TXNRD1: variants seen among roughly 807,000 people sequenced by gnomAD.
TXNRD1 encodes the protein thioredoxin reductase 1, also known as thioredoxin reductase 1, cytoplasmic.
TXNRD1 carries 57 observed loss-of-function variants against 80.3 expected under a neutral mutation model. That is an observed-to-expected ratio of 0.71 (90% confidence interval 0.57 to 0.89). The LOEUF is 0.89. Among genes scored for constraint, TXNRD1 ranks in the 40% least tolerant of loss-of-function variants. TXNRD1 has a pLI of 0.00. For synonymous variants in TXNRD1, 291 were observed against 285.2 expected (o/e 1.02, Z -0.20); for missense variants, 730 against 803.0 (o/e 0.91, Z 1.10).
rs140765361 is a variant in TXNRD1 at position 104,322,788 on chromosome 12, C to T, written c.1215+1472C>T. 5.4e-3 allele frequency among the ~76,000 whole-genome samples: 824 copies of T among 151,822 alleles called. 21 individuals carry two copies. In the South Asian group the frequency reaches 0.076, roughly 14 times the overall value. ...TGTACTGATAGAAAGTAACATCTTC[C>T]TATATACAATTTTTTTTTTTTAATT... On this transcript the variant is annotated intron_variant, in intron 10 of 16. Transcript: ENST00000525566.
At chr12:104,334,591 T>C (rs2135872007) in intron 15 of TXNRD1, among the ~76,000 whole-genome samples, 1 of 152,240 alleles carries the variant, frequency 6.6e-6, no homozygotes, top group East Asian at 1.9e-4. Flanking sequence ...AGGCTGGTCT[T>C]GAACACCTGA....
At chr12:104,309,055 G>A (rs1004909966) in intron 4 of TXNRD1, among the ~76,000 whole-genome samples, 2 of 151,806 alleles carry the variant, frequency 1.3e-5, no homozygotes, top group East Asian at 1.9e-4. Context: ...ACGCCTCCAC[G>A]CCCGGCTAAT....
At chr12:104,336,135 A>C (rs902627687) in intron 15 of TXNRD1, among the ~76,000 whole-genome samples, 2 of 152,230 alleles carry the variant, frequency 1.3e-5, no homozygotes, top group Non-Finnish European at 2.9e-5. Context: ...CCCCTGTCTC[A>C]CTGAGAGAGA....
chr12:104,334,155 C>G (rs143101179), intron 14 of TXNRD1, 82 bp from the exon 15 acceptor site: 2 of 531,548 alleles, frequency 3.8e-6, no homozygotes, highest in African/African-American at 2.0e-5. Flanking sequence ...ATTAAAGAGT[C>G]TCTACTGTCT....
At chr12:104,216,228 C>G (rs1009555465) in intron 1 of TXNRD1, among the ~76,000 whole-genome samples, 1 of 152,248 alleles carries the variant, frequency 6.6e-6, no homozygotes, top group Non-Finnish European at 1.5e-5. Flanking sequence ...GCTCAGGGCC[C>G]GTTAGGGCGT....
chr12:104,334,329 C>A lies in TXNRD1; in HGVS notation c.1743C>A (p.Asp581Glu). ...CAAAAATAATCTGTAATACTAAAGA[C>A]AATGTAAGTTTAATTCTCAATCCTT... ...CYAKIICNTK[D>E]NERVVGFHVL... The change falls in exon 15 of 17, where the codon GAC becomes GAA. Residue 581 changes from aspartate (D) to glutamate (E), a missense_variant. By Grantham distance (45) the Asp-to-Glu change is conservative. Transcript: ENST00000525566. 1 of 1,445,584 alleles carries A rather than the reference C, an allele frequency of 6.9e-7. No homozygotes were observed. Among genetic ancestry groups the A allele is most frequent in the Non-Finnish European group, 9.3e-7 (1 of 1,081,074 alleles). The allele number at this position is 1,445,584 out of a possible 1,614,324, so 89.5% of individuals were successfully genotyped here. A position where few individuals can be genotyped will look rare whatever the true frequency, so the allele number is the denominator to read the frequency against.
intron 1 of TXNRD1, among the ~76,000 whole-genome samples, chr12:104,246,226 G>A (rs2032990582): frequency 6.8e-6 from 1 of 147,860 alleles, no homozygotes; most frequent in Non-Finnish European, 1.5e-5. Flanking sequence ...AGGAGATCGA[G>A]ACCATCTTGG....
At chr12:104,319,383 A>G (rs1278361631) in intron 8 of TXNRD1, 87 bp from the exon 9 acceptor site, 1 of 825,566 alleles carries the variant, frequency 1.2e-6, no homozygotes, top group Non-Finnish European at 2.0e-6. Flanking sequence ...AAATGAGACA[A>G]TGTAGTGAAT....
At chr12:104,216,211 T>G (rs1398229014) in intron 1 of TXNRD1, among the ~76,000 whole-genome samples, 1 of 152,198 alleles carries the variant, frequency 6.6e-6, no homozygotes, top group Admixed American at 6.5e-5. Flanking sequence ...GCGACCCGCC[T>G]GATTTCGCTC....
At position 104,303,997 on chromosome 12, in the gene TXNRD1, C is replaced by T. The variant is rs116688710; in HGVS notation, c.415-7293C>T. On this transcript the variant is annotated intron_variant, in intron 4 of 16. Coordinates refer to ENST00000525566, the MANE Select transcript of TXNRD1 (RefSeq NM_001093771.3). ...CCGACGACCTCAGCTCTGGGGAGGC[C>T]GACGTAGACCCAAAGCTCCTGGAGC... 5,670 of 1,609,636 alleles carry T rather than the reference C, an allele frequency of 3.5e-3. 176 individuals carry two copies. In the African/African-American group the frequency reaches 0.065, roughly 18 times the overall value.
chr12:104,288,937 G>C lies in TXNRD1; in HGVS notation c.311G>C (p.Gly104Ala). The C allele has an allele frequency of 1.9e-6, 3 of 1,614,052 alleles. No homozygotes were observed. Among genetic ancestry groups the C allele is most frequent in the Non-Finnish European group, 2.5e-6 (3 of 1,179,882 alleles). ...CTGCTTTTGTGCCACACAGAGGACGGTCGGGCCCTGGAAGGAACGCTCTCG... is the reference window on the plus strand; with the variant it reads ...CTGCTTTTGTGCCACACAGAGGACGCTCGGGCCCTGGAAGGAACGCTCTCG... ...FVLELDQTED[G>A]RALEGTLSEL... is the part of the protein sequence containing the mutation. The change falls in exon 4 of 17, where the codon GGT becomes GCT. Residue 104 changes from glycine to alanine, a missense_variant. By Grantham distance (60) the Gly-to-Ala change is moderately conservative. Coordinates refer to ENST00000525566, the MANE Select transcript of TXNRD1 (RefSeq NM_001093771.3).
chr12:104,220,496 G>C (rs568204156), intron 1 of TXNRD1, among the ~76,000 whole-genome samples: 62 of 152,208 alleles, frequency 4.1e-4, no homozygotes, highest in African/African-American at 1.5e-3. Context: ...GGCCAAGGCG[G>C]GTGGATCATC....
At position 104,339,206 on chromosome 12, in the gene TXNRD1, C is replaced by T. The variant is rs756135502; in HGVS notation, c.1814C>T (p.Ala605Val). The T allele has an allele frequency of 5.6e-6, 9 of 1,613,800 alleles. No homozygotes were observed. Among genetic ancestry groups the T allele is most frequent in the South Asian group, 2.2e-5 (2 of 91,078 alleles). Residue 605 changes from alanine (A) to valine (V), a missense_variant, in exon 16 of 17, where the codon GCG becomes GTG. Coordinates refer to ENST00000525566, the MANE Select transcript of TXNRD1 (RefSeq NM_001093771.3). ...GAAGTTACACAAGGCTTTGCAGCTGCGCTCAAATGTGGACTGACCAAAAAG... is the reference window on the plus strand; with the variant it reads ...GAAGTTACACAAGGCTTTGCAGCTGTGCTCAAATGTGGACTGACCAAAAAG... ...AGEVTQGFAA[A>V]LKCGLTKKQL...
chr12:104,349,263 A>G lies in TXNRD1; in HGVS notation c.*842A>G, dbSNP rs1255628386. 6.6e-6 allele frequency: 1 copy of G among 152,228 alleles called. No individual in the cohort carries two copies. The highest frequency in any genetic ancestry group is 1.5e-5 in the Non-Finnish European group (1 of 68,030). 9.4% of individuals were successfully genotyped at this position (152,228 alleles called of 1,614,324 possible). ...TCTTTAGTTTATTGTGTGCTGGTCT[A>G]AGCAAGCTGAGATCATTTGCAATGG... On this transcript the variant is annotated 3_prime_UTR_variant, in exon 17 of 17. Coordinates refer to ENST00000525566, the MANE Select transcript of TXNRD1 (RefSeq NM_001093771.3).
chr12:104,226,510 G>A (rs1317236626), intron 1 of TXNRD1, among the ~76,000 whole-genome samples: 1 of 152,156 alleles, frequency 6.6e-6, no homozygotes, highest in Non-Finnish European at 1.5e-5. Flanking sequence ...GAGATCTCCT[G>A]TTATATTTCA....
At chr12:104,326,225 A>C in intron 11 of TXNRD1, 122 bp from the exon 12 acceptor site, 1 of 684,764 alleles carries the variant, frequency 1.5e-6, no homozygotes, top group Non-Finnish European at 2.4e-6. Context: ...TCTTACTGAA[A>C]TATTTATTTC....
intron 2 of TXNRD1, among the ~76,000 whole-genome samples, chr12:104,254,020 G>C (rs576296086): frequency 1.3e-5 from 2 of 152,098 alleles, no homozygotes; most frequent in Admixed American, 6.6e-5. Flanking sequence ...CTGAAATTAC[G>C]TGCTTGTCTA....
At position 104,345,257 on chromosome 12, in the gene TXNRD1, T is replaced by C. The variant is rs114133886; in HGVS notation, c.1882-3096T>C. Among the ~76,000 whole-genome samples the C allele has an allele frequency of 3.3e-3, 502 of 152,284 alleles. 5 individuals carry two copies. Among genetic ancestry groups the C allele is most frequent in the African/African-American group, 0.012 (495 of 41,548 alleles). ...GTTAGTCCAGTGGATGAATTAGAAA[T>C]AATAATAATTTTTAAACCAGTCCTG... On this transcript the variant is annotated intron_variant, in intron 16 of 16. Coordinates refer to ENST00000525566, the MANE Select transcript of TXNRD1 (RefSeq NM_001093771.3).
intron 4 of TXNRD1, among the ~76,000 whole-genome samples, chr12:104,296,182 AGATACAT>A: frequency 6.6e-6 from 1 of 152,162 alleles, no homozygotes; most frequent in East Asian, 1.9e-4. Context: ...ATTGCTATTG[AGATACAT>A]GCTTGTGTCC....
Sources: allele counts gnomAD v4.1 joint callset (sites outside exome capture counted in the v4.1 genomes callset), GRCh38; gene constraint gnomAD v4.1.1; transcripts MANE v1.5; gene names NCBI Gene and HGNC (gene_info 2026-07-23, HGNC 2026-07-21).